KCNN2: variants seen among roughly 807,000 people sequenced by gnomAD.
KCNN2 encodes the protein small conductance calcium-activated potassium channel protein 2.
In KCNN2, 24 loss-of-function variants were observed where a neutral mutation model predicts 55.5. The ratio of observed to expected loss-of-function variants is 0.43; its 90% CI spans 0.31 to 0.61. The LOEUF (loss-of-function observed/expected upper bound fraction) is 0.61, where lower values mean the gene tolerates loss of function less well. KCNN2 is among the 20% of genes least tolerant of loss of function. The pLI, the probability that KCNN2 is intolerant of heterozygous loss-of-function variation, is 0.08. For synonymous variants in KCNN2, 431 were observed against 336.1 expected (o/e 1.28, Z -3.09); for missense variants, 754 against 853.6 (o/e 0.88, Z 1.45).
intron 1 of KCNN2, among the ~76,000 whole-genome samples, chr5:114,168,432 T>G (rs1752963818): frequency 6.6e-6 from 1 of 152,114 alleles, no homozygotes; most frequent in African/African-American, 2.4e-5. Context: ...TTTCTTCCAA[T>G]GACTAAGCCA....
At chr5:114,144,932 A>G (rs1752366744) in intron 1 of KCNN2, among the ~76,000 whole-genome samples, 1 of 152,014 alleles carries the variant, frequency 6.6e-6, no homozygotes, top group Non-Finnish European at 1.5e-5. Flanking sequence ...CCATAGTGAT[A>G]TTTTTGGCTG....
intron 1 of KCNN2, among the ~76,000 whole-genome samples, chr5:114,067,397 C>G (rs151193672): frequency 4.3e-4 from 65 of 152,296 alleles, no homozygotes; most frequent in Admixed American, 1.6e-3. Flanking sequence ...TTTCAACAAG[C>G]TTTCCTGGTT....
At chr5:114,075,722 T>C (rs1750672780) in intron 1 of KCNN2, among the ~76,000 whole-genome samples, 1 of 107,332 alleles carries the variant, frequency 9.3e-6, no homozygotes, top group Non-Finnish European at 2.3e-5. Context: ...ACTTGCTTTT[T>C]AGCTAAGGGG....
intron 5 of KCNN2, among the ~76,000 whole-genome samples, chr5:114,474,523 A>G (rs1482669654): frequency 6.6e-6 from 1 of 152,192 alleles, no homozygotes; most frequent in East Asian, 1.9e-4. Context: ...GTGCAGGGAA[A>G]AAGGTCAATG....
At chr5:114,301,097 C>A (rs371118745) in intron 2 of KCNN2, among the ~76,000 whole-genome samples, 1 of 151,272 alleles carries the variant, frequency 6.6e-6, no homozygotes, top group Non-Finnish European at 1.5e-5. Context: ...GACCTATAGA[C>A]TGTTCTTGAG....
Position 114,490,134 on chromosome 5 carries a change from T to C in KCNN2, c.2018+2957T>C, listed in dbSNP as rs548272652. 4.4e-3 allele frequency among the ~76,000 whole-genome samples: 671 copies of C among 152,314 alleles called. 8 individuals carry two copies. Among genetic ancestry groups the C allele is most frequent in the African/African-American group, 0.015 (638 of 41,570 alleles). On this transcript the variant is annotated intron_variant, in intron 6 of 7. Coordinates refer to ENST00000673685, the MANE Select transcript of KCNN2 (RefSeq NM_021614.4). ...TTAACGCTTTTTCTGGTAGCAACTT[T>C]CCCTTTAAAGTTTATCATTCTTTTA...
chr5:114,463,292 AT>A, intron 4 of KCNN2, 102 bp downstream of exon 4: 1 of 865,018 alleles, frequency 1.2e-6, no homozygotes, highest in South Asian at 2.0e-5. Context: ...TTCTTTTCCC[AT>A]CAGCAGGAAA....
At chr5:114,166,378 G>C (rs1295524458) in intron 1 of KCNN2, among the ~76,000 whole-genome samples, 2 of 152,232 alleles carry the variant, frequency 1.3e-5, no homozygotes, top group African/African-American at 2.4e-5. Flanking sequence ...CCTCAGGCGA[G>C]TGTTACATGC....
chr5:114,318,678 C>T (rs1756551390), intron 2 of KCNN2, among the ~76,000 whole-genome samples: 1 of 151,716 alleles, frequency 6.6e-6, no homozygotes, highest in Non-Finnish European at 1.5e-5. Context: ...CTGGCAGGCA[C>T]TGTAATTACA....
chr5:114,298,005 G>T (rs183772203), intron 2 of KCNN2, among the ~76,000 whole-genome samples: 2 of 152,264 alleles, frequency 1.3e-5, no homozygotes, highest in Non-Finnish European at 2.9e-5. Context: ...ATGATGGACT[G>T]TAAAATGACA....
intron 1 of KCNN2, among the ~76,000 whole-genome samples, chr5:114,102,601 G>A (rs1356253854): frequency 6.6e-6 from 1 of 152,044 alleles, no homozygotes. Flanking sequence ...TCCACTGTGA[G>A]TTAATTTTTG....
intron 1 of KCNN2, among the ~76,000 whole-genome samples, chr5:114,202,076 G>C (rs970437489): frequency 3.3e-5 from 5 of 152,118 alleles, no homozygotes; most frequent in African/African-American, 1.2e-4. Flanking sequence ...GGGGGCACCT[G>C]TTCTCTTCCT....
At chr5:114,346,286 A>G (rs187274022) in intron 2 of KCNN2, among the ~76,000 whole-genome samples, 26 of 152,296 alleles carry the variant, frequency 1.7e-4, no homozygotes, top group Admixed American at 1.0e-3. Flanking sequence ...AACACCTCCC[A>G]CCAGGCCCCA....
chr5:114,473,553 A>G (rs532720926), intron 5 of KCNN2, among the ~76,000 whole-genome samples: 15 of 152,170 alleles, frequency 9.9e-5, no homozygotes, highest in Non-Finnish European at 1.8e-4. Flanking sequence ...CACTGTTCTC[A>G]AGACAGGGTT....
intron 3 of KCNN2, among the ~76,000 whole-genome samples, chr5:114,431,838 A>G (rs575276405): frequency 3.0e-4 from 46 of 152,254 alleles, no homozygotes; most frequent in African/African-American, 1.1e-3. Context: ...TCTGGGACCC[A>G]TGTACTATTT....
chr5:114,247,540 A>C (rs537114874), intron 2 of KCNN2, among the ~76,000 whole-genome samples: 3 of 152,384 alleles, frequency 2.0e-5, no homozygotes, highest in Admixed American at 6.5e-5. Context: ...TGAAAGGACC[A>C]GGATTGAAAG....
At chr5:114,400,854 C>T (rs1758763908) in intron 2 of KCNN2, among the ~76,000 whole-genome samples, 1 of 152,198 alleles carries the variant, frequency 6.6e-6, no homozygotes, top group African/African-American at 2.4e-5. Flanking sequence ...CTGATGACCA[C>T]ATCTACTGTC....
chr5:114,261,381 A>G lies in KCNN2; in HGVS notation c.-185+39816A>G, dbSNP rs113967057. Among the ~76,000 whole-genome samples the G allele has an allele frequency of 1.4e-3, 219 of 152,256 alleles. 1 individual carries two copies. The highest frequency in any genetic ancestry group is 4.9e-3 in the African/African-American group (204 of 41,520). The stretch of plus-strand genomic sequence containing the variant: ...CAGGTGAAGACCTCAGCTTTGCCCT[A>G]TTCCTACCGCCTACTCACCCCTTAG... On this transcript the variant is annotated intron_variant, in intron 2 of 10. Transcript: ENST00000512097.
chr5:114,089,423 C>T (rs192999401), intron 1 of KCNN2, among the ~76,000 whole-genome samples: 25 of 152,232 alleles, frequency 1.6e-4, no homozygotes, highest in Non-Finnish European at 2.4e-4. Context: ...TGTCTCCCAA[C>T]GCAGTGGGAG....
Sources: gnomAD v4.1 joint callset for allele counts (sites outside exome capture counted in the v4.1 genomes callset) on GRCh38, gnomAD v4.1.1 for gene constraint, MANE v1.5 for transcripts, NCBI Gene and HGNC (gene_info 2026-07-23, HGNC 2026-07-21) for gene names.